SCHIP1: variants seen among roughly 807,000 people sequenced by gnomAD.
SCHIP1 encodes schwannomin-interacting protein 1.
SCHIP1 carries 8 observed loss-of-function variants against 29.7 expected under a neutral mutation model. That is an observed-to-expected ratio of 0.27 (90% CI 0.16 to 0.49). SCHIP1 has a LOEUF of 0.49. Ranked by LOEUF, SCHIP1 falls within the 20% of genes least tolerant of loss-of-function variation. SCHIP1 has a pLI of 0.99. For synonymous variants in SCHIP1, 76 were observed against 94.9 expected, an observed-to-expected ratio of 0.80 and a Z score of 1.16; for missense variants, 193 against 294.6, an observed-to-expected ratio of 0.66 and a Z score of 2.52.
the SCHIP1 span, among the ~76,000 whole-genome samples, chr3:159,552,464 T>A: frequency 1.3e-5 from 2 of 152,196 alleles, no homozygotes; most frequent in Non-Finnish European, 2.9e-5. Flanking sequence ...AAAAATAGTT[T>A]TTAAGTTTCC....
chr3:159,764,650 G>A, the SCHIP1 span: 1 of 1,602,526 alleles, frequency 6.2e-7, no homozygotes, highest in Non-Finnish European at 8.5e-7. The surrounding 1 kb of genome is among the most constrained non-coding windows in gnomAD (Gnocchi z 6.1). Context: ...GGTGATTGAT[G>A]AGTGGGCGCC....
At chr3:159,581,122 G>A in the SCHIP1 span, among the ~76,000 whole-genome samples, 4 of 152,158 alleles carry the variant, frequency 2.6e-5, no homozygotes, top group East Asian at 7.7e-4. Context: ...TGGGGAAGAC[G>A]ACTTCTGCTT....
the SCHIP1 span, among the ~76,000 whole-genome samples, chr3:159,345,554 T>TCTCTCTCTCTCTCTCTC: frequency 7.2e-4 from 67 of 93,512 alleles, 1 homozygote; most frequent in African/African-American, 2.5e-3. Context: ...GTGTCTCTCT[T>TCTCTCTCTCTCTCTCTC]TCTCTCTCTC....
the SCHIP1 span, among the ~76,000 whole-genome samples, chr3:159,506,495 C>T: frequency 3.3e-5 from 5 of 152,160 alleles, no homozygotes; most frequent in East Asian, 1.9e-4. Flanking sequence ...TCAATTTTGG[C>T]TTTTGTTGCC....
At chr3:159,575,369 A>ATTC in the SCHIP1 span, among the ~76,000 whole-genome samples, 1 of 152,040 alleles carries the variant, frequency 6.6e-6, no homozygotes, top group Non-Finnish European at 1.5e-5. Context: ...CTCACCATTT[A>ATTC]GATTGAGTTA....
upstream of SCHIP1, among the ~76,000 whole-genome samples, chr3:159,835,528 T>C (rs1743577574): frequency 6.6e-6 from 1 of 152,234 alleles, no homozygotes; most frequent in African/African-American, 2.4e-5. Flanking sequence ...TCTCATTTAC[T>C]TGATGTACTT....
At chr3:159,719,034 G>T in the SCHIP1 span, among the ~76,000 whole-genome samples, 1 of 152,072 alleles carries the variant, frequency 6.6e-6, no homozygotes, top group African/African-American at 2.4e-5. Flanking sequence ...CCAAAACAGA[G>T]ATATAGACCA....
the SCHIP1 span, among the ~76,000 whole-genome samples, chr3:159,444,768 G>C: frequency 6.6e-6 from 1 of 152,212 alleles, no homozygotes; most frequent in East Asian, 1.9e-4. Context: ...AGAGAAGGCA[G>C]TACTTGGCTT....
At chr3:159,310,898 C>T in the SCHIP1 span, among the ~76,000 whole-genome samples, 1 of 151,904 alleles carries the variant, frequency 6.6e-6, no homozygotes, top group Admixed American at 6.6e-5. Context: ...GATTTGCATG[C>T]CGGAATTGAA....
rs559262342 is a variant in SCHIP1, at chr3:159,845,244, C to G, written c.30+5030C>G. ...GCAGCTTTCAAGGCTCAAATGCCACCTCCTTCAGGAAACTTTTCCCATTTA... is the reference window on the plus strand; with the variant it reads ...GCAGCTTTCAAGGCTCAAATGCCACGTCCTTCAGGAAACTTTTCCCATTTA... On this transcript the variant is annotated intron_variant, in intron 1 of 6. Coordinates refer to ENST00000445224, the Ensembl canonical transcript of SCHIP1. 1.8e-4 allele frequency among the ~76,000 whole-genome samples: 27 copies of G among 152,356 alleles called. No individual in the cohort carries two copies. In the South Asian group the frequency reaches 5.0e-3, roughly 28 times the overall value.
chr3:159,404,075 G>T, the SCHIP1 span, among the ~76,000 whole-genome samples: 1 of 152,134 alleles, frequency 6.6e-6, no homozygotes, highest in African/African-American at 2.4e-5. Flanking sequence ...GTCCTTGCAG[G>T]ATCCATAACC....
At chr3:159,543,879 G>A in the SCHIP1 span, among the ~76,000 whole-genome samples, 1 of 152,108 alleles carries the variant, frequency 6.6e-6, no homozygotes, top group African/African-American at 2.4e-5. Flanking sequence ...TCCAGCACCT[G>A]TTGTTTCCTG....
chr3:159,624,779 A>T, the SCHIP1 span, among the ~76,000 whole-genome samples: 1 of 152,134 alleles, frequency 6.6e-6, no homozygotes, highest in African/African-American at 2.4e-5. Context: ...GCCCCAAGGA[A>T]GAACTAGAAG....
At chr3:159,534,654 G>A in the SCHIP1 span, among the ~76,000 whole-genome samples, 250 of 152,224 alleles carry the variant, frequency 1.6e-3, 2 homozygotes, top group African/African-American at 5.2e-3. Flanking sequence ...TTCCTGACAC[G>A]TTCCACTGAC....
At chr3:159,811,493 T>A in the SCHIP1 span, among the ~76,000 whole-genome samples, 480 of 152,348 alleles carry the variant, frequency 3.2e-3, no homozygotes, top group Admixed American at 6.3e-3. Flanking sequence ...AATTCATCTT[T>A]CTGCATGCAG....
chr3:159,540,156 G>T, the SCHIP1 span, among the ~76,000 whole-genome samples: 2 of 151,752 alleles, frequency 1.3e-5, no homozygotes, highest in Non-Finnish European at 2.9e-5. Context: ...CCATCCCGTT[G>T]CATTATATCA....
the SCHIP1 span, among the ~76,000 whole-genome samples, chr3:159,648,742 A>T: frequency 6.6e-6 from 1 of 151,848 alleles, no homozygotes; most frequent in South Asian, 2.1e-4. Flanking sequence ...TGCTAAAGGA[A>T]CATACCAGCA....
the SCHIP1 span, among the ~76,000 whole-genome samples, chr3:159,564,666 G>A: frequency 6.6e-5 from 10 of 152,192 alleles, no homozygotes; most frequent in African/African-American, 2.2e-4. Context: ...GTGAGCCACT[G>A]TGGCCAGCCC....
At chr3:159,352,180 T>C in the SCHIP1 span, among the ~76,000 whole-genome samples, 23 of 152,256 alleles carry the variant, frequency 1.5e-4, no homozygotes, top group South Asian at 4.2e-3. Flanking sequence ...ATCACACCTC[T>C]AATATGTTTT....
Sources: allele counts gnomAD v4.1 joint callset (sites outside exome capture counted in the v4.1 genomes callset), GRCh38; gene constraint gnomAD v4.1.1; non-coding constraint Gnocchi (gnomAD v3.1); transcripts MANE v1.5; gene names NCBI Gene and HGNC (gene_info 2026-07-23, HGNC 2026-07-21).